The following MAST3 variants were observed in gnomAD, a reference collection of about 807,000 sequenced individuals.
The protein encoded by MAST3 is microtubule associated serine/threonine kinase 3.
MAST3 carries 43 observed loss-of-function variants against 127.0 expected under a neutral mutation model. The ratio of observed to expected loss-of-function variants is 0.34; its 90% CI spans 0.27 to 0.44. The LOEUF (loss-of-function observed/expected upper bound fraction) is 0.44. Ranked by LOEUF, MAST3 falls within the 20% of genes least tolerant of loss-of-function variation. The pLI is 1.00. For synonymous variants in MAST3, 785 were observed against 809.2 expected (o/e 0.97, Z 0.51); for missense variants, 1,390 against 1,919.1 (o/e 0.72, Z 5.15).
Position 18,124,646 on chromosome 19 carries a change from T to C in MAST3, c.950T>C (p.Phe317Ser). 1 of 1,584,418 alleles carries C rather than the reference T, an allele frequency of 6.3e-7. No individual in the cohort carries two copies. The highest frequency in any genetic ancestry group is 8.6e-7 in the Non-Finnish European group (1 of 1,166,726). Residue 317 changes from phenylalanine to serine, a missense_variant, in exon 11 of 28, where the codon TTT becomes TCT. Transcript: ENST00000687212. ...CCAGCCCTCCTGTGCCCCTAGGAGTTTGACCCTGAGGAATTTTACCACCTG... is the reference window on the plus strand; with the variant it reads ...CCAGCCCTCCTGTGCCCCTAGGAGTCTGACCCTGAGGAATTTTACCACCTG... ...RPARLLECLE[F>S]DPEEFYHLLE... is the part of the protein sequence containing the mutation.
At chr19:18,139,228 A>G in intron 20 of MAST3, 104 bp downstream of exon 20, 1 of 871,942 alleles carries the variant, frequency 1.1e-6, no homozygotes. Flanking sequence ...TTCTGTAGAG[A>G]TGAGGTCTTG....
rs756857699 is a variant in MAST3 at position 18,123,595 on chromosome 19, G to A, written c.573G>A (p.Thr191=). ...RSRSLSPGRA[T]GTFDNEIVMM... ...TTCCTTTCAGCCCGGGCCGTGCAAC[G>A]GGGACCTTCGACAATGAGATTGTCA... The change falls in exon 8 of 28, where the codon ACG becomes ACA. Residue 191 remains threonine, a synonymous_variant. Transcript: ENST00000687212. The A allele has an allele frequency of 3.3e-5, 53 of 1,588,916 alleles. No individual in the cohort carries two copies. The highest frequency in any genetic ancestry group is 4.1e-5 in the Non-Finnish European group (48 of 1,167,920).
chr19:18,143,721 C>T (rs367913559), intron 21 of MAST3, 42 bp from the exon 22 acceptor site: 15 of 1,608,782 alleles, frequency 9.3e-6, no homozygotes, highest in African/African-American at 2.7e-5. Flanking sequence ...TCCTGGGGTG[C>T]AGGTGCCTGG....
chr19:18,124,591 G>C, intron 10 of MAST3, 51 bp from the exon 11 acceptor site: 3 of 1,522,786 alleles, frequency 2.0e-6, no homozygotes, highest in Non-Finnish European at 2.6e-6. Context: ...CATGTGCAGA[G>C]GCCTGCAGGT....
chr19:18,113,542 C>A (rs1037584008), intron 3 of MAST3, among the ~76,000 whole-genome samples: 1 of 152,122 alleles, frequency 6.6e-6, no homozygotes, highest in African/African-American at 2.4e-5. Flanking sequence ...CTCACTGCAA[C>A]CTCCGCCTCC....
In MAST3 at chr19:18,151,384, G is replaced by A. The variant is rs1438137409; in HGVS notation, c.*1658G>A. 1 of 152,224 alleles carries A rather than the reference G, an allele frequency of 6.6e-6. No homozygotes were observed. Among genetic ancestry groups the A allele is most frequent in the East Asian group, 1.9e-4 (1 of 5,198 alleles). The allele number at this position is 152,224 out of a possible 1,614,324, so 9.4% of individuals were successfully genotyped here. A position where few individuals can be genotyped will look rare whatever the true frequency, so the allele number is the denominator to read the frequency against. On this transcript the variant is annotated 3_prime_UTR_variant, in exon 28 of 28. Coordinates refer to ENST00000687212, the MANE Select transcript of MAST3 (RefSeq NM_001393504.1). ...AGACCTGTCCCACGATCACCCAGCA[G>A]GAGTCGTGGCAGAACGGAGCATCAG...
chr19:18,102,846 C>T (rs1176723958), intron 1 of MAST3, among the ~76,000 whole-genome samples: 1 of 152,172 alleles, frequency 6.6e-6, no homozygotes, highest in Non-Finnish European at 1.5e-5. Context: ...CAGGCATGAG[C>T]CACAGCACCC....
chr19:18,145,697 A>T lies in MAST3; in HGVS notation c.3040-46A>T. 2.0e-6 allele frequency: 3 copies of T among 1,517,160 alleles called. No homozygotes were observed. Among genetic ancestry groups the T allele is most frequent in the Non-Finnish European group, 2.6e-6 (3 of 1,137,634 alleles). 94.0% of individuals were successfully genotyped at this position (1,517,160 alleles called of 1,614,324 possible). ...ACCCAGCCTGGGCTGGGGTCCCCAG[A>T]TGTGGGGCCCAGGCCATTGACCCCA... is the stretch of plus-strand genomic sequence containing the variant. On this transcript the variant is annotated intron_variant, in intron 24 of 27. Coordinates refer to ENST00000687212, the MANE Select transcript of MAST3 (RefSeq NM_001393504.1). This position sits in a 1 kb window ranked among gnomAD's most constrained non-coding sequence, Gnocchi z 5.9.
intron 3 of MAST3, chr19:18,117,901 G>T (rs1393518354): frequency 1.2e-4 from 18 of 155,038 alleles, no homozygotes; most frequent in Non-Finnish European, 2.1e-4. Context: ...CCCACTCGCC[G>T]GCACGCGGGT....
intron 1 of MAST3, among the ~76,000 whole-genome samples, chr19:18,102,137 C>T (rs182559026): frequency 3.6e-4 from 55 of 152,030 alleles, no homozygotes; most frequent in Middle Eastern, 3.4e-3. Context: ...ACCTCGGCCT[C>T]TCAAAGTGCT....
chr19:18,147,351 C>T (rs1476019355), intron 26 of MAST3, 92 bp from the exon 27 acceptor site: 5 of 1,160,374 alleles, frequency 4.3e-6, no homozygotes, highest in Non-Finnish European at 6.3e-6. Flanking sequence ...GATCCATCTG[C>T]CTCGGCCTCT....
At chr19:18,134,079 T>G (rs977828829) in intron 15 of MAST3, among the ~76,000 whole-genome samples, 2 of 152,042 alleles carry the variant, frequency 1.3e-5, no homozygotes, top group African/African-American at 2.4e-5. Context: ...AGTCAGTACC[T>G]CCTGTTTGCT....
intron 3 of MAST3, among the ~76,000 whole-genome samples, chr19:18,117,005 G>A (rs2039351856): frequency 6.6e-6 from 1 of 151,010 alleles, no homozygotes; most frequent in South Asian, 2.1e-4. Context: ...CCCAGGAAGG[G>A]GCATCCCTCA....
At chr19:18,121,504 C>T (rs1204824019) in intron 3 of MAST3, among the ~76,000 whole-genome samples, 181 bp from the exon 4 acceptor site, 1 of 152,374 alleles carries the variant, frequency 6.6e-6, no homozygotes, top group East Asian at 1.9e-4. Context: ...GTGATTCCCT[C>T]CTGGGCCTTG....
In MAST3 at chr19:18,110,480, G is replaced by T; in HGVS notation, c.72-172G>T. 2.1e-6 allele frequency: 2 copies of T among 943,570 alleles called. No homozygotes were observed. Among genetic ancestry groups the T allele is most frequent in the African/African-American group, 1.8e-5 (1 of 56,422 alleles). 58.4% of individuals were successfully genotyped at this position (943,570 alleles called of 1,614,324 possible). A position where few individuals can be genotyped will look rare whatever the true frequency, so the allele number is the denominator to read the frequency against. On this transcript the variant is annotated intron_variant, in intron 2 of 27. Transcript: ENST00000687212. This position sits in a 1 kb window ranked among gnomAD's most constrained non-coding sequence, Gnocchi z 4.3. Reference sequence around the variant, plus strand: ...AGAAACGCACCGCCGCCTCCGGGGAGCCCTCCCGGGCCATCGGTCTGGCCC... The same window carrying T: ...AGAAACGCACCGCCGCCTCCGGGGATCCCTCCCGGGCCATCGGTCTGGCCC...
At position 18,112,161 on chromosome 19, in the gene MAST3, G is replaced by A. The variant is rs1412727578; in HGVS notation, c.161+1420G>A. Among the ~76,000 whole-genome samples, 1 of 152,180 alleles carries A rather than the reference G, an allele frequency of 6.6e-6. No individual in the cohort carries two copies. The highest frequency in any genetic ancestry group is 2.1e-4 in the South Asian group (1 of 4,832). On this transcript the variant is annotated intron_variant, in intron 3 of 27. Transcript: ENST00000687212. The surrounding 1 kb of genome is among the most constrained non-coding windows in gnomAD (Gnocchi z 4.1). ...GGTCCTGTGGCAGGACTGAGGTGGT[G>A]GGTTTTTTGTTTTTGTTTTTTGAGA...
At chr19:18,120,091 G>A (rs1393313960) in intron 3 of MAST3, among the ~76,000 whole-genome samples, 1 of 152,190 alleles carries the variant, frequency 6.6e-6, no homozygotes, top group Non-Finnish European at 1.5e-5. Flanking sequence ...AAGAAGCCAG[G>A]CAGGGTGTGA....
At chr19:18,133,187 G>A (rs1021520396) in intron 15 of MAST3, among the ~76,000 whole-genome samples, 1 of 152,028 alleles carries the variant, frequency 6.6e-6, no homozygotes, top group Non-Finnish European at 1.5e-5. Flanking sequence ...GGCACCTGCT[G>A]TATACTTGGG....
intron 1 of MAST3, 139 bp downstream of exon 1, chr19:18,097,970 T>C: frequency 1.6e-6 from 1 of 637,080 alleles, no homozygotes; most frequent in Non-Finnish European, 2.2e-6. Context: ...GATCGCTTCT[T>C]TTTGACCACC....
Sources: allele counts gnomAD v4.1 joint callset (sites outside exome capture counted in the v4.1 genomes callset), GRCh38; gene constraint gnomAD v4.1.1; non-coding constraint Gnocchi (gnomAD v3.1); transcripts MANE v1.5; gene names NCBI Gene and HGNC (gene_info 2026-07-23, HGNC 2026-07-21).